RIMS2: variants seen among roughly 807,000 people sequenced by gnomAD.
The protein encoded by RIMS2 is regulating synaptic membrane exocytosis 2.
Under a neutral mutation model 174.4 loss-of-function variants are expected in RIMS2, and 59 were observed. That is an observed-to-expected ratio of 0.34 (90% CI 0.27 to 0.42). The LOEUF is 0.42. Ranked by LOEUF, RIMS2 falls within the 10% of genes least tolerant of loss-of-function variation. The probability of loss-of-function intolerance (pLI) is 1.00; values close to 1 mark genes in which losing one functional copy is unlikely to be tolerated. For synonymous variants in RIMS2, 606 were observed against 572.5 expected (o/e 1.06, Z -0.84); for missense variants, 1,620 against 1,666.3 (o/e 0.97, Z 0.48).
intron 3 of RIMS2, among the ~76,000 whole-genome samples, chr8:103,831,558 C>A (rs1055230476): frequency 2.0e-5 from 3 of 152,170 alleles, no homozygotes; most frequent in Non-Finnish European, 4.4e-5. Flanking sequence ...AATTTTCACA[C>A]CTTACTTTGC....
At chr8:104,079,917 G>T (rs887480971) in intron 19 of RIMS2, among the ~76,000 whole-genome samples, 1 of 151,490 alleles carries the variant, frequency 6.6e-6, no homozygotes, top group Non-Finnish European at 1.5e-5. Flanking sequence ...AGTAGGATAG[G>T]ATAGTTTGAA....
intron 1 of RIMS2, chr8:103,559,284 G>T: frequency 5.3e-6 from 1 of 187,328 alleles, no homozygotes. Flanking sequence ...TTCCTAATTA[G>T]CCTTCCCATT....
rs192258394 is a variant in RIMS2 at position 103,897,572 on chromosome 8, G to T, written c.1624+11349G>T. On this transcript the variant is annotated intron_variant, in intron 4 of 23. Coordinates refer to ENST00000504942, the Ensembl canonical transcript of RIMS2. ...TACATCTGTCTTATAATGAATCATT[G>T]TTTGGCTTGTCCAACCTTTCAGTTT... Among the ~76,000 whole-genome samples, 49 of 151,790 alleles carry T rather than the reference G, an allele frequency of 3.2e-4. 1 individual carries two copies. The highest frequency in any genetic ancestry group is 6.2e-4 in the Non-Finnish European group (42 of 67,992).
At chr8:103,794,083 G>T (rs571195478) in intron 3 of RIMS2, among the ~76,000 whole-genome samples, 46 of 151,840 alleles carry the variant, frequency 3.0e-4, no homozygotes, top group South Asian at 1.7e-3. Flanking sequence ...AAAAAACTAT[G>T]TTAAACTTCA....
intron 1 of RIMS2, among the ~76,000 whole-genome samples, chr8:103,690,246 G>A (rs1213830430): frequency 6.6e-6 from 1 of 152,146 alleles, no homozygotes; most frequent in Non-Finnish European, 1.5e-5. Flanking sequence ...TTATAGTCAT[G>A]AGCCACCGCT....
exon 4 of RIMS2, chr8:103,885,373 G>A: frequency 3.1e-6 from 5 of 1,612,500 alleles, no homozygotes; most frequent in Non-Finnish European, 4.2e-6. Flanking sequence ...AATATTCACA[G>A]TATGCTACTT....
chr8:103,874,843 G>A (rs2099128265), intron 3 of RIMS2, among the ~76,000 whole-genome samples: 1 of 152,110 alleles, frequency 6.6e-6, no homozygotes, highest in Non-Finnish European at 1.5e-5. Context: ...AGATCACATA[G>A]AAACACTTGT....
chr8:103,599,144 G>A lies in RIMS2; in HGVS notation c.177-97942G>A, dbSNP rs141130816. 7.2e-3 allele frequency among the ~76,000 whole-genome samples: 1,088 copies of A among 151,858 alleles called. 7 individuals are homozygous for A. Among genetic ancestry groups the A allele is most frequent in the Non-Finnish European group, 9.7e-3 (657 of 67,970 alleles). On this transcript the variant is annotated intron_variant, in intron 1 of 23. Coordinates refer to ENST00000504942, the Ensembl canonical transcript of RIMS2. ...TCTTAAGAACAACAATAACACTACT[G>A]CTACTACTTACAGTTGTACAGCACT...
intron 19 of RIMS2, among the ~76,000 whole-genome samples, chr8:104,122,570 G>A: frequency 6.6e-6 from 1 of 152,256 alleles, no homozygotes; most frequent in African/African-American, 2.4e-5. Context: ...AGGGTTAGGA[G>A]TTTTGAGTGG....
chr8:103,806,283 G>A (rs545189465), intron 3 of RIMS2, among the ~76,000 whole-genome samples: 5 of 152,222 alleles, frequency 3.3e-5, no homozygotes, highest in African/African-American at 1.2e-4. Context: ...AAGGCTGAAG[G>A]CCTTGTTCTT....
chr8:103,635,442 G>A (rs560083692), intron 1 of RIMS2, among the ~76,000 whole-genome samples: 19 of 152,200 alleles, frequency 1.2e-4, no homozygotes, highest in African/African-American at 4.6e-4. Flanking sequence ...AATGGGCACC[G>A]ACATAACACT....
At chr8:103,671,801 T>C (rs2096747313) in intron 1 of RIMS2, among the ~76,000 whole-genome samples, 1 of 152,174 alleles carries the variant, frequency 6.6e-6, no homozygotes, top group Non-Finnish European at 1.5e-5. Flanking sequence ...AGGAATCACA[T>C]ACAATTTTGG....
intron 8 of RIMS2, among the ~76,000 whole-genome samples, chr8:103,917,124 A>C (rs921347634): frequency 3.3e-5 from 5 of 152,210 alleles, no homozygotes; most frequent in African/African-American, 1.2e-4. Context: ...GAGGCAAGTG[A>C]ATTACATTAC....
intron 1 of RIMS2, among the ~76,000 whole-genome samples, chr8:103,588,074 C>T (rs2094057109): frequency 6.6e-6 from 1 of 151,846 alleles, no homozygotes; most frequent in Non-Finnish European, 1.5e-5. Flanking sequence ...GATACAAAAG[C>T]AACATACAAA....
At chr8:103,926,960 C>A (rs2078898917) in intron 10 of RIMS2, among the ~76,000 whole-genome samples, 1 of 151,462 alleles carries the variant, frequency 6.6e-6, no homozygotes. Context: ...TTTACACTAT[C>A]TTGCTTTTTG....
intron 1 of RIMS2, among the ~76,000 whole-genome samples, chr8:103,574,945 A>G (rs1023355009): frequency 6.6e-6 from 1 of 152,218 alleles, no homozygotes; most frequent in African/African-American, 2.4e-5. Flanking sequence ...TGTGATAGCA[A>G]TCACAATATC....
chr8:104,159,605 G>A (rs977923445), intron 19 of RIMS2, among the ~76,000 whole-genome samples: 3 of 152,050 alleles, frequency 2.0e-5, no homozygotes, highest in Non-Finnish European at 4.4e-5. Flanking sequence ...GGTGGTTTCT[G>A]ATAATAGCCA....
In RIMS2 at chr8:103,584,688, A is replaced by G. The variant is rs76177253; in HGVS notation, c.176+83626A>G. Among the ~76,000 whole-genome samples the G allele has an allele frequency of 6.1e-3, 933 of 152,320 alleles. 11 individuals are homozygous for G. The highest frequency in any genetic ancestry group is 0.021 in the African/African-American group (883 of 41,578). Reference sequence around the variant, plus strand: ...TCAGGTTAAGATAATGGGTTATAATATTTGCAAGCCTCATGGTGACTTCAA... The same window carrying G: ...TCAGGTTAAGATAATGGGTTATAATGTTTGCAAGCCTCATGGTGACTTCAA... On this transcript the variant is annotated intron_variant, in intron 1 of 23. Coordinates refer to ENST00000504942, the Ensembl canonical transcript of RIMS2.
At chr8:104,131,744 AAG>A (rs1185624927) in intron 19 of RIMS2, among the ~76,000 whole-genome samples, 12 of 152,162 alleles carry the variant, frequency 7.9e-5, no homozygotes. Context: ...AGGGAAAGGC[AAG>A]AGAGAAAAAC....
Sources: allele counts gnomAD v4.1 joint callset (sites outside exome capture counted in the v4.1 genomes callset), GRCh38; gene constraint gnomAD v4.1.1; transcripts MANE v1.5; gene names NCBI Gene and HGNC (gene_info 2026-07-23, HGNC 2026-07-21).